RPSA2: variants seen among roughly 807,000 people sequenced by gnomAD.
The protein encoded by RPSA2 is small ribosomal subunit protein uS2B.
chr19:23,758,764 G>A, the RPSA2 span: 2 of 1,614,208 alleles, frequency 1.2e-6, no homozygotes, highest in African/African-American at 1.3e-5. Flanking sequence ...AGGTTTCCGG[G>A]GGACCTGGCG....
chr19:23,849,166 A>G, the RPSA2 span, among the ~76,000 whole-genome samples: 1 of 152,224 alleles, frequency 6.6e-6, no homozygotes, highest in African/African-American at 2.4e-5. Context: ...CACTAACAGC[A>G]TGTAAGGAGG....
At chr19:23,791,465 G>A in the RPSA2 span, among the ~76,000 whole-genome samples, 1 of 152,074 alleles carries the variant, frequency 6.6e-6, no homozygotes, top group South Asian at 2.1e-4. Context: ...ACAAATCCGG[G>A]GACTAGAGCC....
At chr19:23,802,771 TTA>T in the RPSA2 span, among the ~76,000 whole-genome samples, 1 of 152,192 alleles carries the variant, frequency 6.6e-6, no homozygotes, top group African/African-American at 2.4e-5. Context: ...GCAAGAACTT[TTA>T]GTCTTGACTA....
chr19:23,766,142 C>CTTTTTTTTTTTTTTTTTT, the RPSA2 span, among the ~76,000 whole-genome samples: 14 of 43,288 alleles, frequency 3.2e-4, 5 homozygotes, highest in African/African-American at 7.8e-4. Context: ...TATTTCATTT[C>CTTTTTTTTTTTTTTTTTT]CTTTTTTTTT....
chr19:23,831,422 G>A, the RPSA2 span, among the ~76,000 whole-genome samples: 1 of 151,924 alleles, frequency 6.6e-6, no homozygotes, highest in South Asian at 2.1e-4. Flanking sequence ...AGATGTATTT[G>A]GGTCTGTATA....
At chr19:23,797,119 A>C in the RPSA2 span, among the ~76,000 whole-genome samples, 1 of 151,618 alleles carries the variant, frequency 6.6e-6, no homozygotes, top group Non-Finnish European at 1.5e-5. Context: ...TTATTTATTT[A>C]TTTATTTTGA....
chr19:23,765,596 T>C, the RPSA2 span, among the ~76,000 whole-genome samples: 2 of 152,056 alleles, frequency 1.3e-5, no homozygotes, highest in African/African-American at 4.8e-5. Context: ...TGGGAACACA[T>C]AGACCCGTAG....
chr19:23,858,885 G>A, the RPSA2 span, among the ~76,000 whole-genome samples: 2 of 152,188 alleles, frequency 1.3e-5, no homozygotes, highest in Non-Finnish European at 2.9e-5. Context: ...CAATCTTTGA[G>A]CCCTATGTAA....
At chr19:23,826,790 A>G in the RPSA2 span, among the ~76,000 whole-genome samples, 1 of 151,994 alleles carries the variant, frequency 6.6e-6, no homozygotes, top group Admixed American at 6.6e-5. Context: ...GGTTCAAGCA[A>G]TTCTTTTGCC....
At chr19:23,843,641 C>T in the RPSA2 span, among the ~76,000 whole-genome samples, 1 of 152,176 alleles carries the variant, frequency 6.6e-6, no homozygotes, top group South Asian at 2.1e-4. Flanking sequence ...TTTCTTTTCC[C>T]ATCATATCTG....
chr19:23,808,272 A>AATTTTTTTTT, the RPSA2 span, among the ~76,000 whole-genome samples: 18,749 of 126,700 alleles, frequency 0.15, 2,111 homozygotes, highest in East Asian at 0.24. Context: ...TACAAAATTA[A>AATTTTTTTTT]TTTTTTTTTT....
At chr19:23,840,935 C>A in the RPSA2 span, among the ~76,000 whole-genome samples, 1 of 142,808 alleles carries the variant, frequency 7.0e-6, no homozygotes. Context: ...GCACTCCAGC[C>A]TGGGTGAAAA....
chr19:23,843,589 T>C, the RPSA2 span, among the ~76,000 whole-genome samples: 1 of 152,198 alleles, frequency 6.6e-6, no homozygotes, highest in African/African-American at 2.4e-5. Flanking sequence ...AGAATATCTC[T>C]AACTATTTTT....
the RPSA2 span, among the ~76,000 whole-genome samples, chr19:23,788,985 TG>T: frequency 6.6e-6 from 1 of 151,590 alleles, no homozygotes; most frequent in Non-Finnish European, 1.5e-5. Flanking sequence ...AGATGTGACT[TG>T]TGGCCTGTGC....
chr19:23,851,697 T>G, the RPSA2 span, among the ~76,000 whole-genome samples: 1 of 152,218 alleles, frequency 6.6e-6, no homozygotes, highest in African/African-American at 2.4e-5. Context: ...TAAGCTTGTC[T>G]GTAGGACCCA....
the RPSA2 span, among the ~76,000 whole-genome samples, chr19:23,788,456 C>T: frequency 3.3e-5 from 5 of 152,138 alleles, no homozygotes; most frequent in Admixed American, 3.3e-4. Flanking sequence ...TCACTTGGCC[C>T]AGCACCTATG....
chr19:23,855,745 G>A, the RPSA2 span, among the ~76,000 whole-genome samples: 1 of 152,168 alleles, frequency 6.6e-6, no homozygotes, highest in Non-Finnish European at 1.5e-5. Flanking sequence ...AGGGTACAGA[G>A]AAGCAGGTTG....
At chr19:23,865,852 G>T in the RPSA2 span, among the ~76,000 whole-genome samples, 3 of 152,174 alleles carry the variant, frequency 2.0e-5, no homozygotes, top group African/African-American at 7.2e-5. Context: ...TTAAAAACTG[G>T]TGTGGTTAAT....
the RPSA2 span, among the ~76,000 whole-genome samples, chr19:23,800,592 G>A: frequency 7.0e-6 from 1 of 142,904 alleles, no homozygotes; most frequent in Non-Finnish European, 1.5e-5. Context: ...ACTTCTAGAG[G>A]GGCTAGAGCA....
Sources: allele counts gnomAD v4.1 joint callset (sites outside exome capture counted in the v4.1 genomes callset), GRCh38; gene constraint gnomAD v4.1.1; transcripts MANE v1.5; gene names NCBI Gene and HGNC (gene_info 2026-07-23, HGNC 2026-07-21).